Variants in PPP4R2 observed in about 807,000 individuals in gnomAD.
The protein encoded by PPP4R2 is serine/threonine-protein phosphatase 4 regulatory subunit 2.
PPP4R2 carries 13 observed loss-of-function variants against 47.2 expected under a neutral mutation model. The ratio of observed to expected loss-of-function variants is 0.28; its 90% confidence interval spans 0.18 to 0.44. The LOEUF is 0.44. Among genes scored for constraint, PPP4R2 ranks in the 20% least tolerant of loss-of-function variants. The pLI, the probability that PPP4R2 is intolerant of heterozygous loss-of-function variation, is 1.00. For missense variants in PPP4R2, 421 were observed against 491.2 expected, an observed-to-expected ratio of 0.86 and a Z score of 1.35; for synonymous variants, 151 against 163.3, an observed-to-expected ratio of 0.92 and a Z score of 0.57.
rs988210789 is a variant in PPP4R2 at position 73,018,172 on chromosome 3, T to A, written c.116+20014T>A. The stretch of plus-strand genomic sequence containing the variant: ...TCTTATACTTTTAGCCAGGCAGATA[T>A]ACACTTGACCCTTACACAACACAGG... On this transcript the variant is annotated intron_variant, in intron 2 of 8. Transcript: ENST00000356692. Among the ~76,000 whole-genome samples, 6 of 152,290 alleles carry A rather than the reference T, an allele frequency of 3.9e-5. No homozygotes were observed. In the East Asian group the frequency reaches 1.2e-3, roughly 29 times the overall value.
chr3:73,004,462 C>A (rs1430145869), intron 2 of PPP4R2, among the ~76,000 whole-genome samples: 1 of 151,980 alleles, frequency 6.6e-6, no homozygotes, highest in Admixed American at 6.6e-5. Flanking sequence ...CTGTTAAAAT[C>A]TATTTATTTT....
At chr3:73,044,976 G>T (rs778596569) in intron 2 of PPP4R2, among the ~76,000 whole-genome samples, 2 of 152,050 alleles carry the variant, frequency 1.3e-5, no homozygotes, top group African/African-American at 2.4e-5. Flanking sequence ...TATCAATTTT[G>T]TTGCTTGTGC....
At chr3:73,042,150 T>A (rs764300675) in intron 2 of PPP4R2, among the ~76,000 whole-genome samples, 17 of 152,114 alleles carry the variant, frequency 1.1e-4, no homozygotes, top group Non-Finnish European at 2.4e-4. Flanking sequence ...TGGAGGGGAT[T>A]TTATGTGGAG....
intron 2 of PPP4R2, chr3:73,015,038 GTTTA>G (rs544838046): frequency 8.1e-5 from 46 of 569,648 alleles, no homozygotes; most frequent in African/African-American, 6.6e-4. Context: ...CTCCTGGCCT[GTTTA>G]TTAATAAACA....
chr3:73,035,162 T>G (rs1250254214), intron 2 of PPP4R2, among the ~76,000 whole-genome samples: 14 of 152,206 alleles, frequency 9.2e-5, no homozygotes, highest in Admixed American at 9.2e-4. Flanking sequence ...TGTGAAAATA[T>G]GTTCAACATT....
At chr3:73,031,554 A>T (rs199891635) in intron 2 of PPP4R2, among the ~76,000 whole-genome samples, 2 of 34,650 alleles carry the variant, frequency 5.8e-5, no homozygotes, top group Non-Finnish European at 1.2e-4. Flanking sequence ...AAAAGAAAAG[A>T]AAAAAAGAAA....
At chr3:73,055,757 C>T (rs1400868940) in intron 3 of PPP4R2, among the ~76,000 whole-genome samples, 3 of 151,756 alleles carry the variant, frequency 2.0e-5, no homozygotes, top group Non-Finnish European at 4.4e-5. Flanking sequence ...CAACCTCCAC[C>T]GCCCAGGTTC....
intron 2 of PPP4R2, among the ~76,000 whole-genome samples, chr3:73,044,799 G>T (rs1702450996): frequency 6.6e-6 from 1 of 152,056 alleles, no homozygotes; most frequent in Non-Finnish European, 1.5e-5. Context: ...TTTTAAATTG[G>T]GTCATCTTTT....
chr3:73,002,634 CTTTTTTTTTTT>C (rs1173734970), intron 2 of PPP4R2, among the ~76,000 whole-genome samples: 1 of 41,166 alleles, frequency 2.4e-5, no homozygotes, highest in Non-Finnish European at 4.3e-5. Flanking sequence ...CTTTTCTTTT[CTTTTTTTTTTT>C]TTTTTTTTTT....
intron 5 of PPP4R2, chr3:73,062,608 C>T (rs754949636): frequency 6.2e-7 from 1 of 1,613,844 alleles, no homozygotes. Context: ...AACTTTATTG[C>T]CCTTGAGAAG....
chr3:73,060,240 C>A lies in PPP4R2; in HGVS notation c.382-783C>A, dbSNP rs149572389. 5.1e-3 allele frequency among the ~76,000 whole-genome samples: 782 copies of A among 152,296 alleles called. 7 individuals carry two copies. Among genetic ancestry groups the A allele is most frequent in the African/African-American group, 0.018 (753 of 41,566 alleles). ...TAATATATTTTGTTGATCCTCTGTACACTCAATTGAATAATATCCCCAAAG... is the reference window on the plus strand; with the variant it reads ...TAATATATTTTGTTGATCCTCTGTAAACTCAATTGAATAATATCCCCAAAG... On this transcript the variant is annotated intron_variant, in intron 4 of 8. Coordinates refer to ENST00000356692, the MANE Select transcript of PPP4R2 (RefSeq NM_174907.4).
chr3:73,018,694 A>G (rs1701900401), intron 2 of PPP4R2, among the ~76,000 whole-genome samples: 1 of 152,090 alleles, frequency 6.6e-6, no homozygotes, highest in Admixed American at 6.6e-5. Flanking sequence ...CTGAATATGC[A>G]GTGTTCTACT....
chr3:73,050,727 T>A (rs1237753347), intron 3 of PPP4R2, among the ~76,000 whole-genome samples: 1 of 152,214 alleles, frequency 6.6e-6, no homozygotes, highest in Non-Finnish European at 1.5e-5. Flanking sequence ...AAAGCTATCT[T>A]TTTATTTATT....
intron 3 of PPP4R2, among the ~76,000 whole-genome samples, chr3:73,055,511 G>A (rs1239694347): frequency 1.3e-5 from 2 of 149,358 alleles, no homozygotes; most frequent in Non-Finnish European, 3.0e-5. Flanking sequence ...TGGGGCGGGG[G>A]GTTTAAAAAA....
intron 2 of PPP4R2, among the ~76,000 whole-genome samples, chr3:73,032,224 C>T (rs1209273676): frequency 2.0e-5 from 3 of 152,036 alleles, no homozygotes; most frequent in Non-Finnish European, 4.4e-5. Flanking sequence ...CTGAGAGACA[C>T]CCACTTTAAA....
intron 3 of PPP4R2, among the ~76,000 whole-genome samples, chr3:73,055,794 G>A (rs1035414748): frequency 1.3e-5 from 2 of 151,582 alleles, no homozygotes; most frequent in African/African-American, 2.4e-5. Flanking sequence ...TCAGCCTCCC[G>A]AGTAGCTAGG....
rs1489625479 is a variant in PPP4R2, at chr3:73,065,651, C to G, written c.1183C>G (p.Leu395Val). 10 of 1,612,320 alleles carry G rather than the reference C, an allele frequency of 6.2e-6. No homozygotes were observed. Among genetic ancestry groups the G allele is most frequent in the South Asian group, 2.2e-5 (2 of 91,022 alleles). The change falls in exon 9 of 9, where the codon CTT (leucine) becomes GTT (valine). Residue 395 changes from leucine (L) to valine (V), a missense_variant. This residue lies in a region of PPP4R2 where 317 missense variants were observed against 287.5 expected (regional missense o/e 1.10). Coordinates refer to ENST00000356692, the MANE Select transcript of PPP4R2 (RefSeq NM_174907.4). ...CAATTCCAGTAAAACTGGAGAGATT[C>G]TTTCAGAATCATCCATGGAAAATGA... ...GSNSSKTGEI[L>V]SESSMENDDE...
intron 2 of PPP4R2, among the ~76,000 whole-genome samples, chr3:73,029,234 C>A (rs1049439029): frequency 6.6e-6 from 1 of 152,226 alleles, no homozygotes; most frequent in African/African-American, 2.4e-5. Flanking sequence ...AGCCACTTCG[C>A]CTGGCTAGTA....
At position 73,063,661 on chromosome 3, in the gene PPP4R2, C is replaced by G. The variant is rs746543967; in HGVS notation, c.420-12C>G. 9.2e-6 allele frequency: 14 copies of G among 1,516,208 alleles called. No individual in the cohort carries two copies. The highest frequency in any genetic ancestry group is 8.4e-5 in the Admixed American group (5 of 59,404). 93.9% of individuals were successfully genotyped at this position (1,516,208 alleles called of 1,614,324 possible). On this transcript the variant is annotated splice_polypyrimidine_tract_variant and intron_variant, in intron 5 of 8. Transcript: ENST00000356692. Reference sequence around the variant, plus strand: ...ATTAAGTCATCCACAAGTGTATTTTCTTTTCTTATAGGAAAAACAATTCCA... The same window carrying G: ...ATTAAGTCATCCACAAGTGTATTTTGTTTTCTTATAGGAAAAACAATTCCA...
Sources: gnomAD v4.1 joint callset for allele counts (sites outside exome capture counted in the v4.1 genomes callset) on GRCh38, gnomAD v4.1.1 for gene constraint, gnomAD v4.1.1 regional missense constraint, MANE v1.5 for transcripts, NCBI Gene and HGNC (gene_info 2026-07-23, HGNC 2026-07-21) for gene names.